CTNND2: variants seen among roughly 807,000 people sequenced by gnomAD.
CTNND2 encodes the protein catenin delta 2.
CTNND2 carries 22 observed loss-of-function variants against 144.4 expected under a neutral mutation model. The observed-to-expected ratio is 0.15, with a 90% CI of 0.11 to 0.22. CTNND2 has a LOEUF of 0.22. Ranked by LOEUF, CTNND2 falls within the 10% of genes least tolerant of loss-of-function variation. CTNND2 has a pLI of 1.00. For missense variants in CTNND2, 1,353 were observed against 1,618.8 expected, an observed-to-expected ratio of 0.84 and a Z score of 2.82; for synonymous variants, 751 against 695.6, an observed-to-expected ratio of 1.08 and a Z score of -1.25.
chr5:11,708,555 A>C (rs1785846608), intron 2 of CTNND2, among the ~76,000 whole-genome samples: 1 of 152,162 alleles, frequency 6.6e-6, no homozygotes, highest in African/African-American at 2.4e-5. Flanking sequence ...CAACCTGAAT[A>C]ACAATGTCTA....
At chr5:11,363,809 C>T (rs1353059095) in intron 8 of CTNND2, among the ~76,000 whole-genome samples, 1 of 152,166 alleles carries the variant, frequency 6.6e-6, no homozygotes, top group Non-Finnish European at 1.5e-5. Flanking sequence ...TAGAGATCTG[C>T]GTGCCAGGTT....
intron 16 of CTNND2, among the ~76,000 whole-genome samples, chr5:11,061,763 C>A (rs932703932): frequency 6.6e-6 from 1 of 151,844 alleles, no homozygotes; most frequent in African/African-American, 2.4e-5. Context: ...GGCTGGAGTA[C>A]AGTGGTGCAA....
At position 11,405,890 on chromosome 5, in the gene CTNND2, G is replaced by C. The variant is rs552761154; in HGVS notation, c.439+5646C>G. ...AGTCTTGTTTGTATTTTAAAAACTT[G>C]GACCTCCCAGCACTTTGGGAGGCCA... is the stretch of plus-strand genomic sequence containing the variant. On this transcript the variant is annotated intron_variant, in intron 5 of 21. Transcript: ENST00000304623. Among the ~76,000 whole-genome samples, 473 of 152,154 alleles carry C rather than the reference G, an allele frequency of 3.1e-3. 2 individuals are homozygous for C. Among genetic ancestry groups the C allele is most frequent in the Non-Finnish European group, 5.1e-3 (346 of 67,996 alleles).
chr5:11,083,133 G>A (rs975017671), intron 15 of CTNND2, among the ~76,000 whole-genome samples: 2 of 152,182 alleles, frequency 1.3e-5, no homozygotes, highest in African/African-American at 2.4e-5. Flanking sequence ...TGCGTGATGC[G>A]TATACTTGAT....
chr5:11,580,718 T>C (rs761007082), intron 2 of CTNND2, among the ~76,000 whole-genome samples: 6 of 152,222 alleles, frequency 3.9e-5, no homozygotes, highest in Non-Finnish European at 4.4e-5. Flanking sequence ...CATGGAAGGA[T>C]AGCTCTGGTA....
intron 1 of CTNND2, among the ~76,000 whole-genome samples, chr5:11,742,048 G>A (rs900016491): frequency 6.6e-6 from 1 of 151,820 alleles, no homozygotes; most frequent in African/African-American, 2.4e-5. Context: ...GGGGACTCGG[G>A]GGGAAAGGGT....
intron 9 of CTNND2, among the ~76,000 whole-genome samples, chr5:11,241,709 T>C (rs1481480921): frequency 6.6e-6 from 1 of 152,250 alleles, no homozygotes; most frequent in Non-Finnish European, 1.5e-5. Context: ...TTTGGTTTTC[T>C]TTTTGCTGAT....
intron 3 of CTNND2, among the ~76,000 whole-genome samples, chr5:11,464,857 A>G (rs1766517525): frequency 6.6e-6 from 1 of 152,172 alleles, no homozygotes; most frequent in Non-Finnish European, 1.5e-5. Flanking sequence ...CTAGGAATAT[A>G]CCATGATGGA....
chr5:11,198,865 C>T (rs1274416713), intron 11 of CTNND2, among the ~76,000 whole-genome samples: 1 of 152,174 alleles, frequency 6.6e-6, no homozygotes, highest in Non-Finnish European at 1.5e-5. Flanking sequence ...TTTACAGAGT[C>T]TCATTTATGA....
Position 11,027,464 on chromosome 5 carries a change from G to A in CTNND2, c.2789-4485C>T, listed in dbSNP as rs947801827. ...TTTCTTTTAAGTTACTTAGTCTCTA[G>A]TAACAATGACTATATGTCTGATTTT... On this transcript the variant is annotated intron_variant, in intron 16 of 21. Coordinates refer to ENST00000304623, the MANE Select transcript of CTNND2 (RefSeq NM_001332.4). Among the ~76,000 whole-genome samples, 17 of 152,174 alleles carry A rather than the reference G, an allele frequency of 1.1e-4. No homozygotes were observed. The East Asian group carries it at 3.3e-3, about 29-fold the overall frequency.
chr5:11,724,068 G>A (rs1249234477), intron 2 of CTNND2, among the ~76,000 whole-genome samples: 1 of 149,814 alleles, frequency 6.7e-6, no homozygotes, highest in Non-Finnish European at 1.5e-5. Context: ...AAAAAAAAAA[G>A]TATTACAGTT....
intron 3 of CTNND2, among the ~76,000 whole-genome samples, chr5:11,514,525 A>C (rs1771984347): frequency 6.6e-6 from 1 of 152,134 alleles, no homozygotes; most frequent in Admixed American, 6.5e-5. Context: ...TGCACAACAC[A>C]TTTCATGGGT....
chr5:11,359,612 G>C (rs569022022), intron 8 of CTNND2, among the ~76,000 whole-genome samples: 2 of 152,280 alleles, frequency 1.3e-5, no homozygotes, highest in African/African-American at 4.8e-5. Context: ...CCTCGGGCAG[G>C]TGGGCACTGC....
rs561151723 is a variant in CTNND2, at chr5:11,893,858, A to G, written c.37+9959T>C. ...TGCTGAAAGAAGACTTTTGATTTAT[A>G]AGATCATATCTGAAATTGCTATAGG... is the stretch of plus-strand genomic sequence containing the variant. On this transcript the variant is annotated intron_variant, in intron 1 of 21. Transcript: ENST00000304623. 2.0e-5 allele frequency among the ~76,000 whole-genome samples: 3 copies of G among 152,296 alleles called. No homozygotes were observed. In the East Asian group the frequency reaches 5.8e-4, roughly 29 times the overall value.
chr5:11,179,318 AC>A (rs1479927714), intron 11 of CTNND2, among the ~76,000 whole-genome samples: 13 of 152,140 alleles, frequency 8.5e-5, no homozygotes, highest in Non-Finnish European at 1.9e-4. Context: ...AAACAAAAAA[AC>A]AAAAAAACAA....
chr5:11,899,622 G>T (rs1215841277), intron 1 of CTNND2, among the ~76,000 whole-genome samples: 1 of 152,098 alleles, frequency 6.6e-6, no homozygotes, highest in Non-Finnish European at 1.5e-5. Flanking sequence ...TATTTAATTA[G>T]ATATGTATAA....
At chr5:11,895,709 A>G (rs142277998) in intron 1 of CTNND2, among the ~76,000 whole-genome samples, 1 of 152,352 alleles carries the variant, frequency 6.6e-6, no homozygotes, top group African/African-American at 2.4e-5. Flanking sequence ...CTGTTAAGAC[A>G]TGACAGAGTG....
chr5:11,300,308 C>T (rs1309823832), intron 9 of CTNND2, among the ~76,000 whole-genome samples: 1 of 152,170 alleles, frequency 6.6e-6, no homozygotes, highest in Non-Finnish European at 1.5e-5. Flanking sequence ...AGGCAGAGGA[C>T]ACCCAAGGGA....
At chr5:11,081,859 C>G (rs1478035395) in intron 16 of CTNND2, among the ~76,000 whole-genome samples, 2 of 152,130 alleles carry the variant, frequency 1.3e-5, no homozygotes, top group African/African-American at 4.8e-5. Context: ...CTAATGGGAA[C>G]AGTGTTTGCC....
Sources: allele counts gnomAD v4.1 joint callset (sites outside exome capture counted in the v4.1 genomes callset), GRCh38; gene constraint gnomAD v4.1.1; transcripts MANE v1.5; gene names NCBI Gene and HGNC (gene_info 2026-07-23, HGNC 2026-07-21).